The following PCDHGA6 variants were observed in gnomAD, a reference collection of about 807,000 sequenced individuals.
The protein encoded by PCDHGA6 is protocadherin gamma subfamily A, 6.
A neutral mutation model predicts 60.6 loss-of-function variants in PCDHGA6; 41 were observed. That is an observed-to-expected ratio of 0.68 (90% CI 0.53 to 0.88). The LOEUF is 0.88. Ranked by LOEUF, PCDHGA6 falls within the 40% of genes least tolerant of loss-of-function variation. PCDHGA6 has a pLI of 0.00. For synonymous variants in PCDHGA6, 594 were observed against 524.4 expected (o/e 1.13, Z -1.81); for missense variants, 1,312 against 1,203.0 (o/e 1.09, Z -1.34).
At chr5:141,436,384 CT>C (rs768914860) in intron 1 of PCDHGA6, among the ~76,000 whole-genome samples, 1 of 152,104 alleles carries the variant, frequency 6.6e-6, no homozygotes, top group Non-Finnish European at 1.5e-5. Context: ...GCTGAATAGG[CT>C]TTATTAAATA....
chr5:141,389,488 A>G (rs1405287897), intron 1 of PCDHGA6: 2 of 1,612,912 alleles, frequency 1.2e-6, no homozygotes, highest in Non-Finnish European at 1.7e-6. Flanking sequence ...GCCCGCGACC[A>G]GGGCTCGCCA....
At chr5:141,392,806 A>C (rs2092599321) in intron 1 of PCDHGA6, 1 of 1,576,662 alleles carries the variant, frequency 6.3e-7, no homozygotes, top group Non-Finnish European at 8.6e-7. Flanking sequence ...TTCTGCAGCA[A>C]AACAACAATG....
In PCDHGA6 at chr5:141,374,364, A is replaced by C; in HGVS notation, c.281A>C (p.Glu94Ala). ...ACCGCGGGTAGGATAGACCGCGAGG[A>C]GCTCTGTGCTCAGAGCCCGCGGTGT... is the stretch of plus-strand genomic sequence containing the variant. ...LVTAGRIDREELCAQSPRCLV... is the reference protein window; with the variant it reads ...LVTAGRIDREALCAQSPRCLV... Residue 94 changes from glutamate (E) to alanine (A), a missense_variant, in exon 1 of 4, where the codon GAG (glutamate) becomes GCG (alanine). By Grantham distance (107) the Glu-to-Ala change is moderately radical (BLOSUM62 -1). Transcript: ENST00000517434. The C allele has an allele frequency of 1.2e-6, 2 of 1,614,024 alleles. No individual in the cohort carries two copies. Among genetic ancestry groups the C allele is most frequent in the Non-Finnish European group, 1.7e-6 (2 of 1,179,894 alleles).
At chr5:141,383,610 C>A (rs372785458) in intron 1 of PCDHGA6, 15 of 1,613,700 alleles carry the variant, frequency 9.3e-6, no homozygotes, top group Non-Finnish European at 1.3e-5. Flanking sequence ...ATGTGAATGA[C>A]CACACGCCTG....
intron 1 of PCDHGA6, chr5:141,383,497 C>A: frequency 6.2e-7 from 1 of 1,612,952 alleles, no homozygotes; most frequent in East Asian, 2.2e-5. Flanking sequence ...GGAGCGGGTG[C>A]TGGACCGGGA....
intron 1 of PCDHGA6, chr5:141,409,788 C>T (rs1224847553): frequency 3.1e-6 from 5 of 1,612,138 alleles, no homozygotes; most frequent in Admixed American, 1.7e-5. Flanking sequence ...CGCGCCTTCG[C>T]GCTCACGCTG....
intron 1 of PCDHGA6, among the ~76,000 whole-genome samples, chr5:141,382,003 A>G (rs1271495792): frequency 6.6e-6 from 1 of 150,830 alleles, no homozygotes; most frequent in Non-Finnish European, 1.5e-5. Flanking sequence ...ATAATTTTGT[A>G]TTTTTAGTAG....
intron 1 of PCDHGA6, among the ~76,000 whole-genome samples, chr5:141,380,738 A>G (rs1282676783): frequency 6.6e-6 from 1 of 152,220 alleles, no homozygotes; most frequent in Non-Finnish European, 1.5e-5. Context: ...CTTTTCTCCA[A>G]AGAAGGTACC....
intron 1 of PCDHGA6, chr5:141,398,251 C>G (rs753114593): frequency 6.8e-7 from 1 of 1,464,006 alleles, no homozygotes; most frequent in East Asian, 2.5e-5. Flanking sequence ...CGAGGAAATG[C>G]CCAAGGGCTC....
At chr5:141,399,942 G>A (rs780939486) in intron 1 of PCDHGA6, 12 of 1,612,140 alleles carry the variant, frequency 7.4e-6, no homozygotes, top group Middle Eastern at 1.9e-4. Context: ...ACCACGTGCT[G>A]CAGGCTAGCG....
At chr5:141,410,619 C>G in intron 1 of PCDHGA6, 1 of 1,603,732 alleles carries the variant, frequency 6.2e-7, no homozygotes, top group Admixed American at 1.7e-5. Context: ...ACTCTGACTT[C>G]GGTGAGTTTC....
rs2095830931 is a variant in PCDHGA6 at position 141,415,116 on chromosome 5, A to G, written c.2424+38609A>G. 3 of 1,613,652 alleles carry G rather than the reference A, an allele frequency of 1.9e-6. No individual in the cohort carries two copies. The East Asian group carries it at 6.7e-5, about 36-fold the overall frequency. On this transcript the variant is annotated intron_variant, in intron 1 of 3. Transcript: ENST00000517434. The stretch of plus-strand genomic sequence containing the variant: ...GAGACGCGCTCAAGCAAAGCCTCGT[A>G]GTGGCCGTCCAGGACCACGGCCAGC...
intron 1 of PCDHGA6, chr5:141,403,562 G>A (rs2094421705): frequency 6.2e-7 from 1 of 1,613,980 alleles, no homozygotes; most frequent in Non-Finnish European, 8.5e-7. Context: ...GGACAGGGAG[G>A]AGGCAACTGC....
intron 1 of PCDHGA6, chr5:141,415,504 C>G (rs1444248720): frequency 1.2e-6 from 2 of 1,614,216 alleles, no homozygotes; most frequent in South Asian, 2.2e-5. Flanking sequence ...CTTCCCCCAG[C>G]CCAATTATGC....
intron 1 of PCDHGA6, among the ~76,000 whole-genome samples, chr5:141,457,387 T>A (rs530736201): frequency 2.0e-5 from 3 of 152,340 alleles, no homozygotes; most frequent in Non-Finnish European, 2.9e-5. Context: ...AGAACTAGCA[T>A]ATTGATTCAC....
intron 1 of PCDHGA6, among the ~76,000 whole-genome samples, chr5:141,460,117 T>G (rs1454761302): frequency 6.6e-6 from 1 of 151,982 alleles, no homozygotes; most frequent in Non-Finnish European, 1.5e-5. Context: ...ATGATTTTTA[T>G]ATATGTAATA....
intron 1 of PCDHGA6, chr5:141,478,333 G>T: frequency 6.2e-7 from 1 of 1,613,928 alleles, no homozygotes; most frequent in Non-Finnish European, 8.5e-7. Context: ...GAACACCAGG[G>T]CCCTCCTTGC....
chr5:141,419,119 C>T lies in PCDHGA6; in HGVS notation c.2424+42612C>T. 2.5e-6 allele frequency: 4 copies of T among 1,613,896 alleles called. No individual in the cohort carries two copies. The South Asian group carries it at 3.3e-5, about 13-fold the overall frequency. Reference sequence around the variant, plus strand: ...GGGAGCAGACCCCAGAGTACAACGTCACCATCGCAGCCACAGACAGGGGCA... The same window carrying T: ...GGGAGCAGACCCCAGAGTACAACGTTACCATCGCAGCCACAGACAGGGGCA... On this transcript the variant is annotated intron_variant, in intron 1 of 3. Coordinates refer to ENST00000517434, the MANE Select transcript of PCDHGA6 (RefSeq NM_018919.3).
rs1284989963 is a variant in PCDHGA6 at position 141,419,134 on chromosome 5, A to T, written c.2424+42627A>T. On this transcript the variant is annotated intron_variant, in intron 1 of 3. Transcript: ENST00000517434. ...AGTACAACGTCACCATCGCAGCCAC[A>T]GACAGGGGCAAGCCTCCGTTATCCT... is the stretch of plus-strand genomic sequence containing the variant. 2.5e-6 allele frequency: 4 copies of T among 1,613,826 alleles called. No individual in the cohort carries two copies. In the African/African-American group the frequency reaches 5.3e-5, roughly 22 times the overall value.
Sources: allele counts gnomAD v4.1 joint callset (sites outside exome capture counted in the v4.1 genomes callset), GRCh38; gene constraint gnomAD v4.1.1; transcripts MANE v1.5; gene names NCBI Gene and HGNC (gene_info 2026-07-23, HGNC 2026-07-21).